The following PPHLN1 variants were observed in gnomAD, a reference collection of about 807,000 sequenced individuals.
PPHLN1 encodes the protein periphilin 1, also known as periphilin-1.
A neutral mutation model predicts 51.3 loss-of-function variants in PPHLN1; 29 were observed. That is an observed-to-expected ratio of 0.57 (90% CI 0.42 to 0.77). The LOEUF is 0.77. Ranked by LOEUF, PPHLN1 falls within the 30% of genes least tolerant of loss-of-function variation. The pLI, the probability that PPHLN1 is intolerant of heterozygous loss-of-function variation, is 0.00. For missense variants in PPHLN1, 436 were observed against 438.4 expected, an observed-to-expected ratio of 0.99 and a Z score of 0.05; for synonymous variants, 147 against 147.8, an observed-to-expected ratio of 0.99 and a Z score of 0.04.
chr12:42,381,047 A>G (rs1480966726), intron 5 of PPHLN1, among the ~76,000 whole-genome samples: 1 of 152,194 alleles, frequency 6.6e-6, no homozygotes, highest in African/African-American at 2.4e-5. Context: ...GAAGGATGCT[A>G]GTGGAGAAGG....
chr12:42,365,098 A>G lies in PPHLN1; in HGVS notation c.300-9765A>G, dbSNP rs147420610. ...ACTCAAGCAGGCAGACAGGTGTTTG[A>G]TTTTTTGATAGGATAGAAGAAGAGG... On this transcript the variant is annotated intron_variant, in intron 4 of 9. Coordinates refer to ENST00000358314, the MANE Select transcript of PPHLN1 (RefSeq NM_201439.2). Among the ~76,000 whole-genome samples the G allele has an allele frequency of 8.5e-3, 1,300 of 152,292 alleles. 4 individuals carry two copies. The highest frequency in any genetic ancestry group is 0.012 in the Non-Finnish European group (799 of 68,028).
intron 4 of PPHLN1, among the ~76,000 whole-genome samples, chr12:42,368,968 G>A (rs879731886): frequency 5.3e-5 from 8 of 152,268 alleles, no homozygotes; most frequent in African/African-American, 1.9e-4. Flanking sequence ...CAGGACGTGC[G>A]TAATTATTTA....
chr12:42,375,334 CAG>C lies in PPHLN1; in HGVS notation c.511+263_511+264del, dbSNP rs1332526099. 4.1e-5 allele frequency: 5 copies of C among 121,508 alleles called. No homozygotes were observed. In the Admixed American group the frequency reaches 6.6e-4, roughly 16 times the overall value. The allele number at this position is 121,508 out of a possible 1,614,324, so 7.5% of individuals were successfully genotyped here. A position where few individuals can be genotyped will look rare whatever the true frequency, so the allele number is the denominator to read the frequency against. On this transcript the variant is annotated intron_variant, in intron 5 of 9. Coordinates refer to ENST00000358314, the MANE Select transcript of PPHLN1 (RefSeq NM_201439.2). The stretch of plus-strand genomic sequence containing the variant: ...TAAAAGGTTTTTTTTTTTTTTTTTT[CAG>C]AGTCTCGCTCTGTCTCCCAGGCTGG...
chr12:42,330,613 C>T (rs971606017), intron 1 of PPHLN1, among the ~76,000 whole-genome samples: 2 of 152,218 alleles, frequency 1.3e-5, no homozygotes, highest in Non-Finnish European at 2.9e-5. Flanking sequence ...TGATACCATA[C>T]AACACATGTT....
intron 4 of PPHLN1, among the ~76,000 whole-genome samples, chr12:42,357,436 A>T (rs1458740353): frequency 1.3e-5 from 2 of 152,230 alleles, no homozygotes. Flanking sequence ...CCAGTGAAAC[A>T]GAATCTGCAA....
intron 4 of PPHLN1, among the ~76,000 whole-genome samples, chr12:42,372,622 T>G (rs1234763299): frequency 6.6e-6 from 1 of 152,100 alleles, no homozygotes; most frequent in Non-Finnish European, 1.5e-5. Context: ...CATGGTAGAG[T>G]TTTTTTAGCC....
chr12:42,431,920 C>T (rs1015169805), intron 9 of PPHLN1: 89 of 1,565,582 alleles, frequency 5.7e-5, no homozygotes, highest in Non-Finnish European at 7.3e-5. Context: ...CCTTCGTCTA[C>T]GAGACCTCGT....
At chr12:42,398,463 A>G (rs1041880601) in intron 8 of PPHLN1, 2 of 156,400 alleles carry the variant, frequency 1.3e-5, no homozygotes, top group African/African-American at 4.8e-5. Flanking sequence ...TTTTATCTGT[A>G]TCTTAATATA....
chr12:42,429,436 A>G (rs1427392444), intron 9 of PPHLN1, among the ~76,000 whole-genome samples: 1 of 152,116 alleles, frequency 6.6e-6, no homozygotes, highest in Admixed American at 6.5e-5. Flanking sequence ...AAACTTCCCT[A>G]TATTCCAAGA....
downstream of PPHLN1, chr12:42,442,756 C>T (rs758149439): frequency 6.2e-7 from 1 of 1,612,436 alleles, no homozygotes; most frequent in Admixed American, 1.7e-5. Flanking sequence ...GTCATTGGTG[C>T]CCGCTCGGGA....
downstream of PPHLN1, chr12:42,445,111 T>A (rs1330085702): frequency 1.4e-6 from 1 of 702,380 alleles, no homozygotes; most frequent in East Asian, 2.7e-5. Context: ...TTTCTTTGAC[T>A]TCAGTAATTG....
intron 4 of PPHLN1, chr12:42,359,516 C>T (rs1024478159): frequency 2.6e-5 from 4 of 152,184 alleles, no homozygotes; most frequent in Non-Finnish European, 5.9e-5. Context: ...TCAATAATGT[C>T]TCAGGTTTTA....
chr12:42,391,120 T>C (rs2077667719), intron 7 of PPHLN1, among the ~76,000 whole-genome samples: 1 of 152,206 alleles, frequency 6.6e-6, no homozygotes, highest in Admixed American at 6.5e-5. Flanking sequence ...TGGTGAACTC[T>C]TTGATGTAAC....
chr12:42,336,010 C>G, intron 2 of PPHLN1, 36 bp downstream of exon 2: 1 of 1,388,384 alleles, frequency 7.2e-7, no homozygotes, highest in Non-Finnish European at 9.8e-7. Context: ...ATTCAAAAAC[C>G]TGGTGTCTGA....
At chr12:42,341,487 A>G (rs1332644123) in intron 2 of PPHLN1, among the ~76,000 whole-genome samples, 4 of 152,196 alleles carry the variant, frequency 2.6e-5, no homozygotes, top group African/African-American at 9.7e-5. Context: ...TGAAAAGACA[A>G]TTGAACACTA....
chr12:42,400,536 C>T (rs1455513938), intron 9 of PPHLN1: 2 of 151,832 alleles, frequency 1.3e-5, no homozygotes, highest in African/African-American at 4.8e-5. Context: ...TGCAAGTGAC[C>T]TTCGAGTAGT....
chr12:42,351,276 C>T (rs1001967872), intron 2 of PPHLN1: 1 of 152,090 alleles, frequency 6.6e-6, no homozygotes, highest in Non-Finnish European at 1.5e-5. Flanking sequence ...CCAAGTCTCA[C>T]AAAAAACCTA....
rs1390980667 is a variant in PPHLN1 at position 42,378,088 on chromosome 12, TTCTCTTTC to T, written c.511+3016_511+3023del. On this transcript the variant is annotated intron_variant, in intron 5 of 9. Coordinates refer to ENST00000358314, the MANE Select transcript of PPHLN1 (RefSeq NM_201439.2). ...CCTGCATCTAGCTATCTATCTATCTTTCTCTTTCTTTCTTTCTTTCTTTCTTTCTTTCT... is the reference window on the plus strand; with the variant it reads ...CCTGCATCTAGCTATCTATCTATCTTTTTCTTTCTTTCTTTCTTTCTTTCT... Among the ~76,000 whole-genome samples, 20 of 121,692 alleles carry T rather than the reference TTCTCTTTC, an allele frequency of 1.6e-4. No homozygotes were observed. The South Asian group carries it at 1.8e-3, about 11-fold the overall frequency. The allele number at this position is 121,692 out of a possible 152,430, so 79.8% of individuals were successfully genotyped here. A position where few individuals can be genotyped will look rare whatever the true frequency, so the allele number is the denominator to read the frequency against.
intron 8 of PPHLN1, 86 bp downstream of exon 8, chr12:42,393,775 C>A: frequency 7.4e-7 from 1 of 1,350,290 alleles, no homozygotes. Context: ...TGGTTTATTC[C>A]TATACTTCAA....
Sources: allele counts gnomAD v4.1 joint callset (sites outside exome capture counted in the v4.1 genomes callset), GRCh38; gene constraint gnomAD v4.1.1; transcripts MANE v1.5; gene names NCBI Gene and HGNC (gene_info 2026-07-23, HGNC 2026-07-21).